The following POLR3C variants were observed in gnomAD, a reference collection of about 807,000 sequenced individuals.
POLR3C encodes DNA-directed RNA polymerase III subunit RPC3.
In POLR3C, 44 loss-of-function variants were observed where a neutral mutation model predicts 65.9. That is an observed-to-expected ratio of 0.67 (90% CI 0.52 to 0.86). POLR3C has a LOEUF of 0.86. POLR3C is among the 40% of genes least tolerant of loss of function. The probability of loss-of-function intolerance (pLI) is 0.00; values close to 1 mark genes in which losing one functional copy is unlikely to be tolerated. For synonymous variants in POLR3C, 263 were observed against 231.6 expected (o/e 1.14, Z -1.23); for missense variants, 576 against 653.2 (o/e 0.88, Z 1.29).
At chr1:145,838,239 A>C in intron 11 of POLR3C, 33 bp downstream of exon 11, 2 of 1,597,048 alleles carry the variant, frequency 1.3e-6, no homozygotes, top group African/African-American at 1.3e-5. Context: ...ATTGCCAACC[A>C]GCAAAGCTGG....
chr1:145,838,734 C>G (rs1003211267), intron 11 of POLR3C, among the ~76,000 whole-genome samples: 1 of 152,058 alleles, frequency 6.6e-6, no homozygotes, highest in African/African-American at 2.4e-5. Context: ...GCCAGGACAT[C>G]ACCCCAAACC....
chr1:145,844,300 T>G lies in POLR3C; in HGVS notation c.*1880T>G, dbSNP rs879963135. On this transcript the variant is annotated 3_prime_UTR_variant, in exon 15 of 15. Coordinates refer to ENST00000334163, the MANE Select transcript of POLR3C (RefSeq NM_006468.8). Reference sequence around the variant, plus strand: ...AATAGATGAAAGGCTAAAGAAAATGTATTATTCAGCCATAAGAATGAATGA... The same window carrying G: ...AATAGATGAAAGGCTAAAGAAAATGGATTATTCAGCCATAAGAATGAATGA... Among the ~76,000 whole-genome samples the G allele has an allele frequency of 6.6e-6, 1 of 152,194 alleles. No individual in the cohort carries two copies. The highest frequency in any genetic ancestry group is 1.5e-5 in the Non-Finnish European group (1 of 68,032).
At chr1:145,839,210 G>T (rs187075978) in intron 11 of POLR3C, among the ~76,000 whole-genome samples, 40 of 152,306 alleles carry the variant, frequency 2.6e-4, no homozygotes, top group African/African-American at 8.7e-4. Flanking sequence ...GGCAGAGGTT[G>T]CAGTGAGCCA....
Position 145,842,461 on chromosome 1 carries a change from A to T in POLR3C, c.*41A>T. 1 of 1,286,604 alleles carries T rather than the reference A, an allele frequency of 7.8e-7. No individual in the cohort carries two copies. The highest frequency in any genetic ancestry group is 1.1e-6 in the Non-Finnish European group (1 of 883,136). The allele number at this position is 1,286,604 out of a possible 1,614,324, so 79.7% of individuals were successfully genotyped here. A position where few individuals can be genotyped will look rare whatever the true frequency, so the allele number is the denominator to read the frequency against. ...TTCCTCAGAAGATCTGGGGGGATGG[A>T]AAGCAAAATAAAGGAGGTGCCTGGA... On this transcript the variant is annotated 3_prime_UTR_variant, in exon 15 of 15. Coordinates refer to ENST00000334163, the MANE Select transcript of POLR3C (RefSeq NM_006468.8).
intron 5 of POLR3C, 74 bp downstream of exon 5, chr1:145,828,911 G>A (rs1651058125): frequency 1.2e-6 from 1 of 805,840 alleles, no homozygotes; most frequent in Non-Finnish European, 2.2e-6. Context: ...CAAGCCCCAA[G>A]AGAGCTTAAA....
chr1:145,829,643 G>A (rs756746077), intron 5 of POLR3C, among the ~76,000 whole-genome samples: 51 of 152,130 alleles, frequency 3.4e-4, no homozygotes, highest in Non-Finnish European at 6.5e-4. Flanking sequence ...CTAGGTCTTC[G>A]TATGATCTGC....
At chr1:145,833,634 A>G (rs1376241051) in intron 7 of POLR3C, 52 bp downstream of exon 7, 13 of 1,175,138 alleles carry the variant, frequency 1.1e-5, no homozygotes, top group East Asian at 2.3e-5. Flanking sequence ...GGGTGTTATC[A>G]ACGTTTATTA....
intron 4 of POLR3C, among the ~76,000 whole-genome samples, chr1:145,827,326 C>T (rs1417655190): frequency 6.6e-6 from 1 of 151,998 alleles, no homozygotes; most frequent in Non-Finnish European, 1.5e-5. Context: ...GTAATAAGTG[C>T]CATGAAGGAA....
At chr1:145,839,168 G>A (rs1430539690) in intron 11 of POLR3C, among the ~76,000 whole-genome samples, 1 of 152,164 alleles carries the variant, frequency 6.6e-6, no homozygotes, top group African/African-American at 2.4e-5. Flanking sequence ...CTACTCAGGA[G>A]GCTGAGGAAG....
chr1:145,839,914 G>T lies in POLR3C; in HGVS notation c.1246G>T (p.Ala416Ser). 1 of 1,605,890 alleles carries T rather than the reference G, an allele frequency of 6.2e-7. No individual in the cohort carries two copies. The highest frequency in any genetic ancestry group is 8.5e-7 in the Non-Finnish European group (1 of 1,172,562). Reference protein sequence around the residue: ...LQEIPKTPDHAPSRTFYLYTV... With the variant: ...LQEIPKTPDHSPSRTFYLYTV... Reference sequence around the variant, plus strand: ...GGAAATTCCCAAAACACCAGACCATGCCCCATCCAGGACCTTCTATTTATA... The same window carrying T: ...GGAAATTCCCAAAACACCAGACCATTCCCCATCCAGGACCTTCTATTTATA... The change falls in exon 12 of 15, where the codon GCC becomes TCC. Residue 416 changes from alanine to serine, a missense_variant. Physicochemically the swap from Ala to Ser is moderately conservative, Grantham distance 99. Coordinates refer to ENST00000334163, the MANE Select transcript of POLR3C (RefSeq NM_006468.8).
chr1:145,838,015 T>C, intron 10 of POLR3C, 41 bp from the exon 11 acceptor site: 1 of 1,599,100 alleles, frequency 6.3e-7, no homozygotes, highest in East Asian at 2.2e-5. Flanking sequence ...CTAAAGCTGA[T>C]CTATGTTAGC....
Position 145,826,550 on chromosome 1 carries a change from G to C in POLR3C, c.244G>C (p.Val82Leu), listed in dbSNP as rs1553725786. 1 of 1,614,008 alleles carries C rather than the reference G, an allele frequency of 6.2e-7. No homozygotes were observed. Among genetic ancestry groups the C allele is most frequent in the Non-Finnish European group, 8.5e-7 (1 of 1,179,990 alleles). Residue 82 changes from valine to leucine, a missense_variant, in exon 3 of 15, where the codon GTA becomes CTA. Coordinates refer to ENST00000334163, the MANE Select transcript of POLR3C (RefSeq NM_006468.8). Reference protein sequence around the residue: ...VVEYEAQCSRVLRMLRYPRYI... With the variant: ...VVEYEAQCSRLLRMLRYPRYI... ...GGAGTATGAAGCCCAGTGCAGCCGG[G>C]TATTGCGAATGCTTAGATATCCCCG...
At chr1:145,829,224 G>A (rs182954976) in intron 5 of POLR3C, among the ~76,000 whole-genome samples, 2 of 152,258 alleles carry the variant, frequency 1.3e-5, no homozygotes, top group East Asian at 1.9e-4. Context: ...CTCAAATTTA[G>A]TGTGGCCAAA....
chr1:145,836,692 AC>A (rs2101651869), intron 8 of POLR3C, 118 bp downstream of exon 8: 10 of 938,576 alleles, frequency 1.1e-5, no homozygotes, highest in Admixed American at 5.3e-5. Context: ...GCCAGCCCAG[AC>A]AATTTCTCCA....
At chr1:145,827,415 G>A (rs1650858910) in intron 4 of POLR3C, among the ~76,000 whole-genome samples, 1 of 152,064 alleles carries the variant, frequency 6.6e-6, no homozygotes, top group Admixed American at 6.5e-5. Context: ...CCAGGAGTTC[G>A]AGACCAGCCT....
chr1:145,831,574 A>G (rs990511200), intron 5 of POLR3C, among the ~76,000 whole-genome samples: 27 of 152,090 alleles, frequency 1.8e-4, no homozygotes, highest in Non-Finnish European at 3.1e-4. Context: ...AAATGCATCA[A>G]TAGTTGAAGC....
chr1:145,827,027 A>C, intron 4 of POLR3C, 22 bp downstream of exon 4: 1 of 1,544,364 alleles, frequency 6.5e-7, no homozygotes, highest in Admixed American at 1.9e-5. Context: ...TAACCCCTGG[A>C]ACTGTGACTT....
intron 5 of POLR3C, among the ~76,000 whole-genome samples, chr1:145,829,704 CTG>C (rs1254361286): frequency 1.3e-5 from 2 of 152,182 alleles, no homozygotes; most frequent in African/African-American, 4.8e-5. Flanking sequence ...ATCTTACTCA[CTG>C]TGTTCCCTCT....
chr1:145,835,699 G>A (rs1553728394), intron 7 of POLR3C, among the ~76,000 whole-genome samples: 4 of 151,606 alleles, frequency 2.6e-5, no homozygotes, highest in Non-Finnish European at 5.9e-5. Flanking sequence ...TCATCCTTCC[G>A]AGTAGCTGAG....
Sources: gnomAD v4.1 joint callset for allele counts (sites outside exome capture counted in the v4.1 genomes callset) on GRCh38, gnomAD v4.1.1 for gene constraint, MANE v1.5 for transcripts, NCBI Gene and HGNC (gene_info 2026-07-23, HGNC 2026-07-21) for gene names.